Variants in RHEB observed in about 807,000 individuals in gnomAD.
RHEB encodes the protein GTP-binding protein Rheb.
RHEB carries 2 observed loss-of-function variants against 28.8 expected under a neutral mutation model. The observed-to-expected ratio is 0.07, with a 90% CI of 0.03 to 0.22. The LOEUF (loss-of-function observed/expected upper bound fraction) is 0.22. RHEB is among the 10% of genes least tolerant of loss of function. RHEB has a pLI of 1.00. For synonymous variants in RHEB, 69 were observed against 77.3 expected, an observed-to-expected ratio of 0.89 and a Z score of 0.56; for missense variants, 76 against 219.9, an observed-to-expected ratio of 0.35 and a Z score of 4.14.
chr7:151,473,153 T>C (rs1232083055), intron 4 of RHEB, among the ~76,000 whole-genome samples: 1 of 152,236 alleles, frequency 6.6e-6, no homozygotes, highest in East Asian at 1.9e-4. Context: ...GGTGATGGAA[T>C]GTCCCTTTTG....
intron 3 of RHEB, among the ~76,000 whole-genome samples, chr7:151,483,411 T>C (rs1305962026): frequency 6.6e-6 from 1 of 152,126 alleles, no homozygotes; most frequent in Non-Finnish European, 1.5e-5. Flanking sequence ...GCTACTCTTA[T>C]CCTTTGATTA....
chr7:151,507,230 T>C (rs988525942), intron 1 of RHEB, among the ~76,000 whole-genome samples: 1 of 152,236 alleles, frequency 6.6e-6, no homozygotes, highest in Non-Finnish European at 1.5e-5. Flanking sequence ...AAGGTTTCTA[T>C]GTGTTCCTTA....
intron 1 of RHEB, among the ~76,000 whole-genome samples, chr7:151,513,849 C>T (rs1385555017): frequency 6.6e-6 from 1 of 152,150 alleles, no homozygotes; most frequent in Non-Finnish European, 1.5e-5. Context: ...CCTGCAAAAC[C>T]GTGAAACACC....
At chr7:151,470,731 G>A in intron 6 of RHEB, 79 bp from the exon 7 acceptor site, 1 of 991,290 alleles carries the variant, frequency 1.0e-6, no homozygotes, top group Non-Finnish European at 1.5e-6. Flanking sequence ...TATGAAACAG[G>A]CTCCATTTTG....
intron 1 of RHEB, among the ~76,000 whole-genome samples, chr7:151,505,619 A>C (rs546059833): frequency 9.8e-4 from 149 of 152,356 alleles, no homozygotes; most frequent in African/African-American, 3.5e-3. Context: ...TATACACTTA[A>C]CATATATGTG....
rs138671578 is a variant in RHEB, at chr7:151,478,871, G to A, written c.193-1456C>T. Among the ~76,000 whole-genome samples, 62 of 152,162 alleles carry A rather than the reference G, an allele frequency of 4.1e-4. No individual in the cohort carries two copies. The East Asian group carries it at 0.011, about 27-fold the overall frequency. ...GCTGGTCTCGAACCCCTGACCTCAG[G>A]TGATCCGCTTGCCTTGGCCTCCCAA... On this transcript the variant is annotated intron_variant, in intron 3 of 7. Coordinates refer to ENST00000262187, the MANE Select transcript of RHEB (RefSeq NM_005614.4).
intron 3 of RHEB, among the ~76,000 whole-genome samples, chr7:151,483,755 T>C (rs2150925946): frequency 6.6e-6 from 1 of 152,286 alleles, no homozygotes; most frequent in African/African-American, 2.4e-5. Context: ...AAATCCCAGC[T>C]TCTTTACATT....
Position 151,511,305 on chromosome 7 carries a change from A to G in RHEB, c.52+8155T>C, listed in dbSNP as rs112449341. Among the ~76,000 whole-genome samples, 379 of 152,340 alleles carry G rather than the reference A, an allele frequency of 2.5e-3. 1 individual carries two copies. Among genetic ancestry groups the G allele is most frequent in the Non-Finnish European group, 4.5e-3 (306 of 68,028 alleles). ...GGATGGTGTATCTTGCTAAAACACC[A>G]ACTTCTCTTTCAAATGTCCATGAGG... On this transcript the variant is annotated intron_variant, in intron 1 of 7. Transcript: ENST00000262187.
At chr7:151,519,271 C>T in intron 1 of RHEB, 189 bp downstream of exon 1, 1 of 284,076 alleles carries the variant, frequency 3.5e-6, no homozygotes, top group Non-Finnish European at 6.1e-6. Context: ...TACCGCGGCT[C>T]CTCCACCGGC....
chr7:151,492,549 G>A (rs922798657), intron 1 of RHEB, among the ~76,000 whole-genome samples: 7 of 128,934 alleles, frequency 5.4e-5, no homozygotes, highest in East Asian at 4.7e-4. Context: ...CCCAGGAGGC[G>A]GAGGTTGCAG....
At chr7:151,517,444 C>T (rs923919760) in intron 1 of RHEB, among the ~76,000 whole-genome samples, 1 of 150,292 alleles carries the variant, frequency 6.7e-6, no homozygotes, top group African/African-American at 2.4e-5. Context: ...AATATGACTA[C>T]GCTTGAAAAT....
intron 2 of RHEB, among the ~76,000 whole-genome samples, chr7:151,485,129 A>G (rs1433132826): frequency 6.6e-6 from 1 of 152,242 alleles, no homozygotes; most frequent in African/African-American, 2.4e-5. Flanking sequence ...AGTGAAATAT[A>G]CTACGTAAAG....
intron 1 of RHEB, among the ~76,000 whole-genome samples, chr7:151,509,732 G>GT (rs1157668082): frequency 6.6e-6 from 1 of 152,122 alleles, no homozygotes; most frequent in Non-Finnish European, 1.5e-5. Context: ...AGCTAAAAAT[G>GT]TTTTTTTCAT....
At chr7:151,482,715 C>G (rs552780745) in intron 3 of RHEB, among the ~76,000 whole-genome samples, 1 of 152,328 alleles carries the variant, frequency 6.6e-6, no homozygotes, top group East Asian at 1.9e-4. Context: ...CTAAGTTACA[C>G]TGTTGTCCCA....
At chr7:151,515,558 C>T (rs1425714636) in intron 1 of RHEB, among the ~76,000 whole-genome samples, 1 of 152,098 alleles carries the variant, frequency 6.6e-6, no homozygotes, top group Non-Finnish European at 1.5e-5. Context: ...CAGGACTACC[C>T]CCACCCACAA....
intron 1 of RHEB, among the ~76,000 whole-genome samples, chr7:151,509,189 G>T (rs879818629): frequency 6.6e-6 from 1 of 152,160 alleles, no homozygotes; most frequent in Non-Finnish European, 1.5e-5. Flanking sequence ...TTGTCTCTGG[G>T]GCAACAATCC....
chr7:151,508,028 C>T (rs1802918790), intron 1 of RHEB, among the ~76,000 whole-genome samples: 1 of 152,058 alleles, frequency 6.6e-6, no homozygotes, highest in African/African-American at 2.4e-5. Context: ...AGGTGGAAGG[C>T]AACAATAATA....
At chr7:151,469,919 A>C (rs577310893) in intron 7 of RHEB, among the ~76,000 whole-genome samples, 2 of 152,286 alleles carry the variant, frequency 1.3e-5, no homozygotes, top group South Asian at 4.1e-4. Flanking sequence ...TATCTTTAGA[A>C]AATTAAGGGC....
intron 4 of RHEB, among the ~76,000 whole-genome samples, chr7:151,474,606 G>C (rs148334518): frequency 1.5e-4 from 23 of 152,226 alleles, no homozygotes; most frequent in African/African-American, 5.1e-4. Context: ...GTTGTTAGTG[G>C]GGATAAATGA....
Sources: gnomAD v4.1 joint callset for allele counts (sites outside exome capture counted in the v4.1 genomes callset) on GRCh38, gnomAD v4.1.1 for gene constraint, MANE v1.5 for transcripts, NCBI Gene and HGNC (gene_info 2026-07-23, HGNC 2026-07-21) for gene names.